The following XIAP variants were observed in gnomAD, a reference collection of about 807,000 sequenced individuals.
XIAP encodes the protein E3 ubiquitin-protein ligase XIAP.
XIAP carries 3 observed loss-of-function variants against 33.1 expected under a neutral mutation model. That is an observed-to-expected ratio of 0.09 (90% CI 0.04 to 0.23). XIAP has a LOEUF of 0.23. Among genes scored for constraint, XIAP ranks in the 10% least tolerant of loss-of-function variants. The probability of loss-of-function intolerance (pLI) is 1.00; values close to 1 mark genes in which losing one functional copy is unlikely to be tolerated. For synonymous variants in XIAP, 98 were observed against 121.3 expected, an observed-to-expected ratio of 0.81 and a Z score of 1.26; for missense variants, 264 against 363.0, an observed-to-expected ratio of 0.73 and a Z score of 2.22.
intron 1 of XIAP, among the ~76,000 whole-genome samples, chrX:123,881,394 TTTTG>T (rs2053302782): frequency 9.0e-6 from 1 of 111,422 alleles, no homozygotes. Flanking sequence ...ATCTTACCCT[TTTTG>T]TTTGGTGCCT....
chrX:123,865,362 A>C (rs1202778959), intron 1 of XIAP, among the ~76,000 whole-genome samples: 1 of 111,406 alleles, frequency 9.0e-6, no homozygotes, highest in Non-Finnish European at 1.9e-5. Flanking sequence ...TGTGCATGTC[A>C]ATGACCCCAT....
At chrX:123,892,644 A>T in intron 4 of XIAP, 87 bp from the exon 5 acceptor site, 1 of 818,645 alleles carries the variant, frequency 1.2e-6, no homozygotes, top group Non-Finnish European at 1.8e-6. Context: ...AATTTATTTT[A>T]AATTTATGAT....
rs1370239126 is a variant in XIAP at position 123,907,769 on chromosome X, G to A, written c.*588G>A. On this transcript the variant is annotated 3_prime_UTR_variant, in exon 7 of 7. Transcript: ENST00000371199. ...TGCCATTTTTGAAAGCGTATTTAATGATAGAATACTATCGAGCCAACATGT... is the reference window on the plus strand; with the variant it reads ...TGCCATTTTTGAAAGCGTATTTAATAATAGAATACTATCGAGCCAACATGT... The A allele has an allele frequency of 2.6e-6, 1 of 378,342 alleles. No homozygotes were observed. Among genetic ancestry groups the A allele is most frequent in the East Asian group, 5.6e-5 (1 of 17,797 alleles). 31.2% of individuals were successfully genotyped at this position (378,342 alleles called of 1,213,427 possible).
intron 1 of XIAP, 181 bp downstream of exon 1, chrX:123,860,474 C>CGACGGCAGGCGTGGGTGGGTGGGT: frequency 3.9e-6 from 1 of 259,663 alleles, no homozygotes; most frequent in Non-Finnish European, 7.3e-6. Context: ...CTCGGACTGC[C>CGACGGCAGGCGTGGGTGGGTGGGT]GACGGCAGGC....
intron 1 of XIAP, among the ~76,000 whole-genome samples, chrX:123,880,737 CAAA>C (rs35365799): frequency 1.3e-4 from 8 of 63,938 alleles, no homozygotes; most frequent in Non-Finnish European, 2.1e-4. Context: ...AACTCTGTTT[CAAA>C]AAAAAAAAAA....
intron 5 of XIAP, 94 bp downstream of exon 5, chrX:123,892,867 C>T (rs2053420092): frequency 2.3e-6 from 2 of 853,936 alleles, no homozygotes; most frequent in Non-Finnish European, 1.7e-6. Flanking sequence ...GTTGCCCAGG[C>T]TGGAGTGCAG....
chrX:123,863,699 G>A (rs1357536816), intron 1 of XIAP, among the ~76,000 whole-genome samples: 1 of 110,856 alleles, frequency 9.0e-6, no homozygotes, highest in Non-Finnish European at 1.9e-5. Context: ...GTGGAGACGG[G>A]GTTTCTCCAT....
At chrX:123,871,501 T>C (rs1035477973) in intron 1 of XIAP, among the ~76,000 whole-genome samples, 3 of 109,504 alleles carry the variant, frequency 2.7e-5, no homozygotes, top group Non-Finnish European at 5.7e-5. Flanking sequence ...CTTCCTTATG[T>C]TTTAGTTTCT....
In XIAP at chrX:123,907,388, A is replaced by C; in HGVS notation, c.*207A>C. 1 of 486,970 alleles carries C rather than the reference A, an allele frequency of 2.1e-6. No individual in the cohort carries two copies. Among genetic ancestry groups the C allele is most frequent in the Non-Finnish European group, 3.6e-6 (1 of 274,406 alleles). 40.1% of individuals were successfully genotyped at this position (486,970 alleles called of 1,213,427 possible). A position where few individuals can be genotyped will look rare whatever the true frequency, so the allele number is the denominator to read the frequency against. ...ATTAGCTGTATTATCCATTTTTTTT[A>C]CTGTTATTTAATTGAAACCATAGAC... On this transcript the variant is annotated 3_prime_UTR_variant, in exon 7 of 7. Transcript: ENST00000371199.
Position 123,888,648 on chromosome X carries a change from T to C in XIAP, c.907T>C (p.Cys303Arg). ...GEGDKVKCFH[C>R]GGGLTDWKPS... is the part of the protein sequence containing the mutation. The stretch of plus-strand genomic sequence containing the variant: ...AGGTGATAAAGTAAAGTGCTTTCAC[T>C]GTGGAGGAGGGCTAACTGATTGGAA... Residue 303 changes from cysteine to arginine, a missense_variant, in exon 3 of 7, where the codon TGT becomes CGT. Coordinates refer to ENST00000371199, the MANE Select transcript of XIAP (RefSeq NM_001167.4). 8.3e-7 allele frequency: 1 copy of C among 1,211,990 alleles called. No individual in the cohort carries two copies. The highest frequency in any genetic ancestry group is 1.1e-6 in the Non-Finnish European group (1 of 895,497).
intron 1 of XIAP, among the ~76,000 whole-genome samples, chrX:123,885,329 TTATAA>T (rs1036076101): frequency 9.8e-5 from 11 of 112,150 alleles, no homozygotes; most frequent in South Asian, 3.6e-4. Context: ...TGGTTAATAA[TTATAA>T]TATATTCTGC....
intron 5 of XIAP, among the ~76,000 whole-genome samples, chrX:123,896,094 G>A (rs892672704): frequency 1.9e-5 from 2 of 106,255 alleles, no homozygotes; most frequent in African/African-American, 6.9e-5. Flanking sequence ...TTGAGACAGG[G>A]TCTTGCTCAG....
At chrX:123,889,337 G>T (rs1236783758) in intron 3 of XIAP, among the ~76,000 whole-genome samples, 6 of 107,995 alleles carry the variant, frequency 5.6e-5, no homozygotes, top group Admixed American at 3.0e-4. Context: ...TGATCCGCCC[G>T]CCTCGGCCTC....
rs780826848 is a variant in XIAP at position 123,911,248 on chromosome X, C to T, written c.*4067C>T. On this transcript the variant is annotated 3_prime_UTR_variant, in exon 7 of 7. Transcript: ENST00000371199. ...ATCCCAGCACTTTGGGAGGCCGAGG[C>T]GGGCAGATCACCTGAGGTCGGGAGG... 3.1e-5 allele frequency: 10 copies of T among 319,872 alleles called. No individual in the cohort carries two copies. The highest frequency in any genetic ancestry group is 1.3e-4 in the South Asian group (5 of 37,988). The allele number at this position is 319,872 out of a possible 1,213,427, so 26.4% of individuals were successfully genotyped here.
In XIAP at chrX:123,888,000, TAATTAATAAATAAATAAATA is replaced by T. The variant is rs1213773719; in HGVS notation, c.878-615_878-596del. On this transcript the variant is annotated intron_variant, in intron 2 of 6. Coordinates refer to ENST00000371199, the MANE Select transcript of XIAP (RefSeq NM_001167.4). Reference sequence around the variant, plus strand: ...ACTCCATCTCAGAAAAAAATAATAATAATTAATAAATAAATAAATAAATAAATAAATAAATAAATGAAAAT... The same window carrying T: ...ACTCCATCTCAGAAAAAAATAATAATAATAAATAAATAAATAAATGAAAAT... Among the ~76,000 whole-genome samples, 11 of 98,048 alleles carry T rather than the reference TAATTAATAAATAAATAAATA, an allele frequency of 1.1e-4. No individual in the cohort carries two copies. In the South Asian group the frequency reaches 2.6e-3, roughly 23 times the overall value. The allele number at this position is 98,048 out of a possible 115,157, so 85.1% of individuals were successfully genotyped here. A position where few individuals can be genotyped will look rare whatever the true frequency, so the allele number is the denominator to read the frequency against.
rs1301732218 is a variant in XIAP at position 123,885,992 on chromosome X, C to A, written c.330C>A (p.Ile110=). The A allele has an allele frequency of 8.3e-7, 1 of 1,211,777 alleles. No individual in the cohort carries two copies. Among genetic ancestry groups the A allele is most frequent in the South Asian group, 1.8e-5 (1 of 57,028 alleles). The change falls in exon 2 of 7, where the codon ATC becomes ATA. Residue 110 remains isoleucine, a synonymous_variant. Transcript: ENST00000371199. ...NSATQSTNSG[I]QNGQYKVENY... ...CCACGCAGTCTACAAATTCTGGTAT[C>A]CAGAATGGTCAGTACAAAGTTGAAA...
chrX:123,904,152 G>T (rs2053539731), intron 6 of XIAP, among the ~76,000 whole-genome samples: 1 of 110,466 alleles, frequency 9.1e-6, no homozygotes, highest in African/African-American at 3.3e-5. Flanking sequence ...GCTCAGGCAG[G>T]TCTCGAACTC....
intron 5 of XIAP, among the ~76,000 whole-genome samples, chrX:123,894,769 CAA>C (rs1329782024): frequency 1.0e-5 from 1 of 96,003 alleles, no homozygotes; most frequent in African/African-American, 3.8e-5. Flanking sequence ...AACTCTACCT[CAA>C]AAAAAAAAAG....
At chrX:123,899,173 A>ATATATATGATTTTG (rs1369534551) in intron 5 of XIAP, among the ~76,000 whole-genome samples, 1 of 51,749 alleles carries the variant, frequency 1.9e-5, no homozygotes, top group Non-Finnish European at 3.4e-5. Context: ...ATATGATTTT[A>ATATATATGATTTTG]TATATATATG....
Sources: gnomAD v4.1 joint callset for allele counts (sites outside exome capture counted in the v4.1 genomes callset) on GRCh38, gnomAD v4.1.1 for gene constraint, MANE v1.5 for transcripts, NCBI Gene and HGNC (gene_info 2026-07-23, HGNC 2026-07-21) for gene names.